FANCL: variants seen among roughly 807,000 people sequenced by gnomAD.
The protein encoded by FANCL is FA complementation group L, also known as E3 ubiquitin-protein ligase FANCL.
A neutral mutation model predicts 59.4 loss-of-function variants in FANCL; 69 were observed. The observed-to-expected ratio is 1.16, with a 90% CI of 0.96 to 1.42. The LOEUF (loss-of-function observed/expected upper bound fraction) is 1.42. Ranked by LOEUF, FANCL falls within the 40% of genes most tolerant of loss-of-function variation. FANCL has a pLI of 0.00. For missense variants in FANCL, 519 were observed against 447.2 expected (o/e 1.16, Z -1.45); for synonymous variants, 180 against 147.1 (o/e 1.22, Z -1.62).
intron 5 of FANCL, among the ~76,000 whole-genome samples, chr2:58,221,461 G>A (rs984944759): frequency 9.2e-5 from 14 of 151,792 alleles, no homozygotes; most frequent in African/African-American, 3.4e-4. Flanking sequence ...TTTTTTCAAA[G>A]AAAGCTGGAT....
Position 58,215,246 on chromosome 2 carries a change from G to A in FANCL, c.374+6696C>T, listed in dbSNP as rs190288050. Reference sequence around the variant, plus strand: ...TGCTGCTAGGGCATCTCAACTTTTTGCTTGTCTTCCCTGTCTCTCCTCACC... The same window carrying A: ...TGCTGCTAGGGCATCTCAACTTTTTACTTGTCTTCCCTGTCTCTCCTCACC... On this transcript the variant is annotated intron_variant, in intron 5 of 13. Transcript: ENST00000233741. Among the ~76,000 whole-genome samples the A allele has an allele frequency of 2.0e-3, 306 of 152,202 alleles. 2 individuals carry two copies. Among genetic ancestry groups the A allele is most frequent in the Non-Finnish European group, 3.8e-3 (259 of 68,020 alleles).
chr2:58,237,765 C>T (rs933861813), intron 1 of FANCL, among the ~76,000 whole-genome samples: 3 of 152,170 alleles, frequency 2.0e-5, no homozygotes, highest in Non-Finnish European at 4.4e-5. Flanking sequence ...ACTCCTACCT[C>T]TAGGAGTTGG....
chr2:58,227,123 C>A (rs1234585918), intron 3 of FANCL, among the ~76,000 whole-genome samples: 1 of 152,176 alleles, frequency 6.6e-6, no homozygotes, highest in Non-Finnish European at 1.5e-5. Context: ...CTTGCTTCTT[C>A]AGTGCCCCGC....
Position 58,241,264 on chromosome 2 carries a change from G to A in FANCL, c.50C>T (p.Pro17Leu). ...SLLRQCPLLL[P>L]QNRSKTVYEG... ...ATACACGGTTTTCGACCGGTTCTGGGGCAGAAGCAGGGGGCACTGGCGCAA... is the reference window on the plus strand; with the variant it reads ...ATACACGGTTTTCGACCGGTTCTGGAGCAGAAGCAGGGGGCACTGGCGCAA... Residue 17 changes from proline to leucine, a missense_variant, in exon 1 of 14, where the codon CCC (proline) becomes CTC (leucine). Physicochemically the swap from Pro to Leu is moderately conservative, Grantham distance 98. Transcript: ENST00000233741. The A allele has an allele frequency of 2.5e-6, 4 of 1,614,234 alleles. No individual in the cohort carries two copies. Among genetic ancestry groups the A allele is most frequent in the Non-Finnish European group, 3.4e-6 (4 of 1,180,048 alleles).
intron 7 of FANCL, among the ~76,000 whole-genome samples, chr2:58,182,367 T>G (rs1310736024): frequency 6.6e-6 from 1 of 151,848 alleles, no homozygotes; most frequent in Non-Finnish European, 1.5e-5. Flanking sequence ...AGTGGAAGAA[T>G]GAAGAATAGC....
intron 7 of FANCL, among the ~76,000 whole-genome samples, chr2:58,167,984 AT>A (rs200323182): frequency 1.8e-4 from 28 of 152,210 alleles, no homozygotes; most frequent in African/African-American, 6.5e-4. Context: ...ATTGAAAAAA[AT>A]AAATTATTTC....
Position 58,162,952 on chromosome 2 carries a change from A to G in FANCL, c.822-5T>C. 6.2e-7 allele frequency: 1 copy of G among 1,612,954 alleles called. No individual in the cohort carries two copies. Among genetic ancestry groups the G allele is most frequent in the South Asian group, 1.1e-5 (1 of 91,056 alleles). On this transcript the variant is annotated splice_polypyrimidine_tract_variant and splice_region_variant and intron_variant, in intron 10 of 13. Coordinates refer to ENST00000233741, the MANE Select transcript of FANCL (RefSeq NM_018062.4). ...AACACACTATTTTCTGGATCCCTGA[A>G]AGCATGGGGAAAAAAATTATGCTGT...
At chr2:58,211,427 G>A (rs1691147382) in intron 5 of FANCL, among the ~76,000 whole-genome samples, 1 of 152,152 alleles carries the variant, frequency 6.6e-6, no homozygotes, top group African/African-American at 2.4e-5. Context: ...TACACCTCCA[G>A]GGCTGTTATG....
At chr2:58,183,564 T>C (rs545671052) in intron 7 of FANCL, among the ~76,000 whole-genome samples, 5 of 152,106 alleles carry the variant, frequency 3.3e-5, no homozygotes, top group African/African-American at 1.2e-4. Flanking sequence ...GTTCTCACTC[T>C]GCTTCATTGA....
chr2:58,229,265 T>G (rs1693340365), intron 3 of FANCL, among the ~76,000 whole-genome samples: 1 of 152,208 alleles, frequency 6.6e-6, no homozygotes, highest in South Asian at 2.1e-4. Flanking sequence ...GTCATTATTT[T>G]GCTTCAGTAA....
chr2:58,188,432 G>GT (rs1297142900), intron 7 of FANCL, among the ~76,000 whole-genome samples: 2 of 151,454 alleles, frequency 1.3e-5, no homozygotes, highest in African/African-American at 2.4e-5. Context: ...TAATTTCGGG[G>GT]TTTTTTTGTT....
intron 1 of FANCL, among the ~76,000 whole-genome samples, chr2:58,240,924 G>A (rs1425362980): frequency 6.6e-6 from 1 of 152,234 alleles, no homozygotes; most frequent in Non-Finnish European, 1.5e-5. Flanking sequence ...GTCAATTGCG[G>A]GACACTGAAC....
At chr2:58,161,689 C>A (rs1685197744) in intron 11 of FANCL, 51 bp from the exon 12 acceptor site, 2 of 1,206,006 alleles carry the variant, frequency 1.7e-6, no homozygotes, top group East Asian at 2.4e-5. Context: ...CTAACTTATT[C>A]GTTGTACATA....
intron 7 of FANCL, chr2:58,194,092 G>A (rs1689196719): frequency 5.0e-6 from 2 of 403,526 alleles, no homozygotes; most frequent in Non-Finnish European, 1.0e-5. Flanking sequence ...TGCATTCATG[G>A]CATTATTCCA....
At chr2:58,231,137 G>T (rs944283905) in intron 2 of FANCL, among the ~76,000 whole-genome samples, 1 of 152,118 alleles carries the variant, frequency 6.6e-6, no homozygotes, top group East Asian at 1.9e-4. Flanking sequence ...TAGTCTCCTT[G>T]TAAGTTCCTC....
At chr2:58,170,490 C>A (rs1336366681) in intron 7 of FANCL, among the ~76,000 whole-genome samples, 1 of 151,932 alleles carries the variant, frequency 6.6e-6, no homozygotes, top group Non-Finnish European at 1.5e-5. Flanking sequence ...AACAAAATAA[C>A]CAGCTAGCAT....
At position 58,161,551 on chromosome 2, in the gene FANCL, G is replaced by C; in HGVS notation, c.991C>G (p.Gln331Glu). 1 of 1,609,998 alleles carries C rather than the reference G, an allele frequency of 6.2e-7. No individual in the cohort carries two copies. Among genetic ancestry groups the C allele is most frequent in the Non-Finnish European group, 8.5e-7 (1 of 1,176,642 alleles). Reference sequence around the variant, plus strand: ...TATAAGCATATTTGATGGAAAGGTTGTCCACACTGAGAATTATCACACACT... The same window carrying C: ...TATAAGCATATTTGATGGAAAGGTTCTCCACACTGAGAATTATCACACACT... ...DQVCDNSQCGQPFHQICLYEW... is the reference protein window; with the variant it reads ...DQVCDNSQCGEPFHQICLYEW... Residue 331 changes from glutamine to glutamate, a missense_variant, in exon 12 of 14, where the codon CAA becomes GAA. Coordinates refer to ENST00000233741, the MANE Select transcript of FANCL (RefSeq NM_018062.4).
rs756913424 is a variant in FANCL at position 58,226,803 on chromosome 2, A to G, written c.217-19T>C. 1.3e-6 allele frequency: 2 copies of G among 1,597,774 alleles called. No homozygotes were observed. The highest frequency in any genetic ancestry group is 8.6e-7 in the Non-Finnish European group (1 of 1,165,468). ...GCATTCTCTAGATCAAAATATTTCC[A>G]ATTAATTTCATTTGCACAATAAATA... On this transcript the variant is annotated intron_variant, in intron 3 of 13. Transcript: ENST00000233741.
At chr2:58,196,333 T>C (rs1241584865) in intron 7 of FANCL, among the ~76,000 whole-genome samples, 1 of 152,056 alleles carries the variant, frequency 6.6e-6, no homozygotes, top group African/African-American at 2.4e-5. Context: ...TAGATGTATC[T>C]GAACCAAAAG....
Sources: allele counts gnomAD v4.1 joint callset (sites outside exome capture counted in the v4.1 genomes callset), GRCh38; gene constraint gnomAD v4.1.1; transcripts MANE v1.5; gene names NCBI Gene and HGNC (gene_info 2026-07-23, HGNC 2026-07-21).